AHCYL2: variants seen among roughly 807,000 people sequenced by gnomAD.
AHCYL2 encodes the protein S-adenosylhomocysteine hydrolase-like protein 2.
In AHCYL2, 28 loss-of-function variants were observed where a neutral mutation model predicts 81.4. The ratio of observed to expected loss-of-function variants is 0.34; its 90% confidence interval spans 0.25 to 0.47. AHCYL2 has a LOEUF of 0.47. Ranked by LOEUF, AHCYL2 falls within the 20% of genes least tolerant of loss-of-function variation. The pLI, the probability that AHCYL2 is intolerant of heterozygous loss-of-function variation, is 1.00. For synonymous variants in AHCYL2, 272 were observed against 290.2 expected (o/e 0.94, Z 0.64); for missense variants, 551 against 785.1 (o/e 0.70, Z 3.56).
intron 1 of AHCYL2, among the ~76,000 whole-genome samples, chr7:129,333,202 G>T (rs1170630170): frequency 2.0e-5 from 3 of 151,148 alleles, no homozygotes; most frequent in African/African-American, 4.9e-5. Flanking sequence ...AGGCACGGTG[G>T]CTCACGCCTG....
rs145490492 is a variant in AHCYL2, at chr7:129,284,025, T to C, written c.363+58586T>C. 2.1e-3 allele frequency among the ~76,000 whole-genome samples: 326 copies of C among 152,306 alleles called. 3 individuals carry two copies. The highest frequency in any genetic ancestry group is 7.1e-3 in the African/African-American group (294 of 41,558). ...TTAAAAGAAAGCACTGTCCTTTGCCTGGTTAATGAATAATGTGAGTACTAT... is the reference window on the plus strand; with the variant it reads ...TTAAAAGAAAGCACTGTCCTTTGCCCGGTTAATGAATAATGTGAGTACTAT... On this transcript the variant is annotated intron_variant, in intron 1 of 16. Transcript: ENST00000325006.
chr7:129,268,513 A>G (rs761665744), intron 1 of AHCYL2, among the ~76,000 whole-genome samples: 3 of 152,014 alleles, frequency 2.0e-5, no homozygotes, highest in Non-Finnish European at 2.9e-5. Context: ...ATACCCGGCT[A>G]ATTTTTGTAT....
intron 1 of AHCYL2, among the ~76,000 whole-genome samples, chr7:129,334,569 A>G (rs559784151): frequency 6.6e-5 from 10 of 152,280 alleles, no homozygotes; most frequent in Non-Finnish European, 1.0e-4. Flanking sequence ...AAATCTTAAT[A>G]CTTGGATAAT....
intron 11 of AHCYL2, among the ~76,000 whole-genome samples, chr7:129,413,041 A>G (rs770986950): frequency 7.3e-5 from 11 of 149,826 alleles, no homozygotes; most frequent in Non-Finnish European, 1.0e-4. Context: ...GGACTTTGCC[A>G]TGTTGCCCAG....
chr7:129,424,885 G>A lies in AHCYL2; in HGVS notation c.1572G>A (p.Leu524=). 1.2e-6 allele frequency: 2 copies of A among 1,613,058 alleles called. No homozygotes were observed. Among genetic ancestry groups the A allele is most frequent in the Non-Finnish European group, 1.7e-6 (2 of 1,179,990 alleles). Residue 524 remains leucine (L), a synonymous_variant, in exon 14 of 17, where the codon CTG becomes CTA. Coordinates refer to ENST00000325006, the MANE Select transcript of AHCYL2 (RefSeq NM_015328.4). ...CCTTTGATCACTAGGGCCGCCTGCT[G>A]AACCTTAGCTGCTCCACAGTGCCTA... ...RIVLLAEGRL[L]NLSCSTVPTF...
rs377750922 is a variant in AHCYL2, at chr7:129,243,953, C to CTTATT, written c.363+18536_363+18540dup. ...ATTTTATATGGTATGAGATAGTGAT[C>CTTATT]TTATTTTATTTTATTTTATTTTATT... On this transcript the variant is annotated intron_variant, in intron 1 of 16. Coordinates refer to ENST00000325006, the MANE Select transcript of AHCYL2 (RefSeq NM_015328.4). Among the ~76,000 whole-genome samples the CTTATT allele has an allele frequency of 5.7e-3, 857 of 151,510 alleles. 3 individuals carry two copies. In the Middle Eastern group the frequency reaches 0.065, roughly 11 times the overall value.
intron 4 of AHCYL2, among the ~76,000 whole-genome samples, chr7:129,392,497 A>T (rs1795516897): frequency 1.3e-5 from 2 of 152,168 alleles, no homozygotes; most frequent in Non-Finnish European, 2.9e-5. Context: ...CAGAAATCTC[A>T]TGTCTAATCA....
chr7:129,277,146 G>A (rs1011768463), intron 1 of AHCYL2, among the ~76,000 whole-genome samples: 5 of 151,962 alleles, frequency 3.3e-5, no homozygotes, highest in Admixed American at 2.6e-4. Flanking sequence ...TTATAAAGGG[G>A]TATAATTGAC....
chr7:129,258,536 A>C (rs966895513), intron 1 of AHCYL2, among the ~76,000 whole-genome samples: 1 of 147,572 alleles, frequency 6.8e-6, no homozygotes, highest in Admixed American at 7.1e-5. Context: ...CCCATTATAA[A>C]ATTTATGTTA....
intron 1 of AHCYL2, among the ~76,000 whole-genome samples, chr7:129,348,469 T>C (rs1793440920): frequency 1.3e-5 from 2 of 151,422 alleles, no homozygotes; most frequent in Admixed American, 1.3e-4. Flanking sequence ...AAGATTTCTC[T>C]CTAGAGAGGA....
intron 1 of AHCYL2, among the ~76,000 whole-genome samples, chr7:129,285,591 A>C (rs979047295): frequency 6.6e-6 from 1 of 152,170 alleles, no homozygotes; most frequent in Non-Finnish European, 1.5e-5. Flanking sequence ...ATCTTTCCCC[A>C]GAGGGAAATG....
chr7:129,417,609 T>C (rs1025575792), intron 12 of AHCYL2, among the ~76,000 whole-genome samples: 1 of 152,194 alleles, frequency 6.6e-6, no homozygotes, highest in Non-Finnish European at 1.5e-5. Context: ...GCGGAAGATA[T>C]ATAGCTAAGC....
At chr7:129,342,272 C>T (rs1358080726) in intron 1 of AHCYL2, among the ~76,000 whole-genome samples, 2 of 152,220 alleles carry the variant, frequency 1.3e-5, no homozygotes, top group Admixed American at 1.3e-4. Context: ...TCCTCCTCCC[C>T]ATTAACTCAA....
chr7:129,365,610 G>A (rs1306417771), intron 1 of AHCYL2, among the ~76,000 whole-genome samples: 1 of 118,178 alleles, frequency 8.5e-6, no homozygotes, highest in African/African-American at 3.6e-5. Context: ...AGATAATACA[G>A]TTTACCTGGA....
Position 129,252,826 on chromosome 7 carries a change from T to TGATA in AHCYL2, c.363+27392_363+27395dup, listed in dbSNP as rs112446906. On this transcript the variant is annotated intron_variant, in intron 1 of 16. Transcript: ENST00000325006. ...ATAGATGATTGATTGATTGATTGAT[T>TGATA]GATAGATAAATAGATAGCAGAGATC... Among the ~76,000 whole-genome samples, 6 of 152,086 alleles carry TGATA rather than the reference T, an allele frequency of 3.9e-5. No homozygotes were observed. The East Asian group carries it at 9.7e-4, about 25-fold the overall frequency.
chr7:129,297,107 AT>A (rs1016771143), intron 1 of AHCYL2, among the ~76,000 whole-genome samples: 2 of 152,212 alleles, frequency 1.3e-5, no homozygotes, highest in African/African-American at 2.4e-5. Flanking sequence ...GCCTTGGCAC[AT>A]TGTGTGACTT....
chr7:129,242,828 T>C (rs559097331), intron 1 of AHCYL2, among the ~76,000 whole-genome samples: 20 of 152,262 alleles, frequency 1.3e-4, no homozygotes, highest in Non-Finnish European at 2.9e-5. Flanking sequence ...TCCTTACTAA[T>C]ATGTGGTGTC....
At chr7:129,335,322 A>G (rs901032161) in intron 1 of AHCYL2, among the ~76,000 whole-genome samples, 2 of 151,946 alleles carry the variant, frequency 1.3e-5, no homozygotes, top group Admixed American at 1.3e-4. Flanking sequence ...ACAGTGAGCT[A>G]TATGATCACA....
chr7:129,320,144 T>C (rs954522819), intron 1 of AHCYL2, among the ~76,000 whole-genome samples: 12 of 152,248 alleles, frequency 7.9e-5, no homozygotes, highest in African/African-American at 2.9e-4. Flanking sequence ...CATGTGCTTT[T>C]ATTTTTATTT....
Sources: gnomAD v4.1 joint callset for allele counts (sites outside exome capture counted in the v4.1 genomes callset) on GRCh38, gnomAD v4.1.1 for gene constraint, MANE v1.5 for transcripts, NCBI Gene and HGNC (gene_info 2026-07-23, HGNC 2026-07-21) for gene names.